UMODL1: variants seen among roughly 807,000 people sequenced by gnomAD.
UMODL1 encodes the protein uromodulin like 1.
UMODL1 carries 128 observed loss-of-function variants against 136.3 expected under a neutral mutation model. The ratio of observed to expected loss-of-function variants is 0.94; its 90% CI spans 0.81 to 1.09. The LOEUF (loss-of-function observed/expected upper bound fraction) is 1.09. Ranked by LOEUF, UMODL1 falls within the 50% of genes least tolerant of loss-of-function variation. The pLI is 0.00. For missense variants in UMODL1, 1,766 were observed against 1,725.6 expected, an observed-to-expected ratio of 1.02 and a Z score of -0.41; for synonymous variants, 721 against 720.0, an observed-to-expected ratio of 1.00 and a Z score of -0.02.
chr21:42,091,221 T>A (rs2146452486), intron 6 of UMODL1, among the ~76,000 whole-genome samples: 1 of 152,358 alleles, frequency 6.6e-6, no homozygotes, highest in African/African-American at 2.4e-5. Context: ...TCTGCCTGTC[T>A]AGTGGATTGT....
chr21:42,133,751 C>T (rs1368549059), intron 21 of UMODL1, among the ~76,000 whole-genome samples: 1 of 152,208 alleles, frequency 6.6e-6, no homozygotes, highest in Non-Finnish European at 1.5e-5. Context: ...CTGCACATGG[C>T]CTTCTTTTTA....
intron 9 of UMODL1, chr21:42,108,353 G>A (rs1164022470): frequency 1.9e-6 from 1 of 525,692 alleles, no homozygotes; most frequent in Non-Finnish European, 3.9e-6. Flanking sequence ...CACCAGCAGT[G>A]TTCTGATGGC....
At chr21:42,110,679 G>A (rs886182155) in intron 10 of UMODL1, among the ~76,000 whole-genome samples, 2 of 152,200 alleles carry the variant, frequency 1.3e-5, no homozygotes, top group African/African-American at 4.8e-5. Context: ...GGAGAGGCGT[G>A]ATTTGCCTTC....
chr21:42,118,736 C>T (rs1222214136), intron 14 of UMODL1, among the ~76,000 whole-genome samples: 6 of 152,138 alleles, frequency 3.9e-5, no homozygotes, highest in Non-Finnish European at 8.8e-5. Flanking sequence ...AGCCCCCTGC[C>T]CTCGGTGGCT....
intron 1 of UMODL1, among the ~76,000 whole-genome samples, chr21:42,075,690 T>C (rs2066282064): frequency 6.6e-6 from 1 of 152,240 alleles, no homozygotes; most frequent in South Asian, 2.1e-4. Context: ...CCTTCGTATA[T>C]GGACCGTGAG....
intron 4 of UMODL1, among the ~76,000 whole-genome samples, chr21:42,087,884 C>G (rs1485352880): frequency 6.6e-6 from 1 of 152,264 alleles, no homozygotes; most frequent in African/African-American, 2.4e-5. Context: ...TTCTCTGTCT[C>G]TTCACACTGT....
rs1039951623 is a variant in UMODL1 at position 42,109,823 on chromosome 21, A to C, written c.1657+124A>C. On this transcript the variant is annotated intron_variant, in intron 10 of 22. Transcript: ENST00000408910. ...CTATGGTAATGTTAGGGGCCTACAG[A>C]AATGTTTTCATTTCAATTTATTTTA... The C allele has an allele frequency of 5.8e-6, 6 of 1,030,786 alleles. No homozygotes were observed. In the South Asian group the frequency reaches 1.0e-4, roughly 18 times the overall value. 63.9% of individuals were successfully genotyped at this position (1,030,786 alleles called of 1,614,324 possible). A position where few individuals can be genotyped will look rare whatever the true frequency, so the allele number is the denominator to read the frequency against.
chr21:42,069,229 AACACACAC>A (rs61712292), upstream of UMODL1, among the ~76,000 whole-genome samples: 84 of 136,402 alleles, frequency 6.2e-4, no homozygotes, highest in African/African-American at 2.1e-3. Flanking sequence ...CACAGACAGA[AACACACAC>A]ACACACACAC....
rs138622543 is a variant in UMODL1 at position 42,119,135 on chromosome 21, A to G, written c.2500A>G (p.Met834Val). The stretch of plus-strand genomic sequence containing the variant: ...GGTGCGGGGCTCCCTGCCAGCCACC[A>G]TGTGTCAGCACATGGACGCTGGTGG... The part of the protein sequence containing the change: ...RMVRGSLPAT[M>V]CQHMDAGGVR... Residue 834 changes from methionine to valine, a missense_variant, in exon 15 of 23, where the codon ATG becomes GTG. Transcript: ENST00000408910. 2.9e-4 allele frequency: 467 copies of G among 1,613,404 alleles called. 3 individuals are homozygous for G. In the African/African-American group the frequency reaches 5.5e-3, roughly 19 times the overall value.
At chr21:42,136,587 A>G (rs1025566008) in intron 21 of UMODL1, among the ~76,000 whole-genome samples, 4 of 152,094 alleles carry the variant, frequency 2.6e-5, no homozygotes, top group Admixed American at 2.6e-4. Flanking sequence ...GTGGGGCCAC[A>G]ATGTATGGAT....
Position 42,076,115 on chromosome 21 carries a change from G to T in UMODL1, c.187G>T (p.Gly63Cys), listed in dbSNP as rs371387739. Residue 63 changes from glycine (G) to cysteine (C), a missense_variant, in exon 2 of 23, where the codon GGC (glycine) becomes TGC (cysteine). Coordinates refer to ENST00000408910, the MANE Select transcript of UMODL1 (RefSeq NM_001004416.3). ...TSYTSYVSCG[G>C]WIPWRRCPKM... ...CTACACGTCCTATGTGTCCTGCGGC[G>T]GCTGGATCCCCTGGAGGCGGTGCCC... 6.2e-7 allele frequency: 1 copy of T among 1,614,232 alleles called. No individual in the cohort carries two copies. Among genetic ancestry groups the T allele is most frequent in the South Asian group, 1.1e-5 (1 of 91,086 alleles).
intron 14 of UMODL1, among the ~76,000 whole-genome samples, chr21:42,117,302 G>GC (rs1250347013): frequency 6.6e-6 from 1 of 152,206 alleles, no homozygotes; most frequent in African/African-American, 2.4e-5. Flanking sequence ...TATGGCTGGG[G>GC]CATAACCCAT....
intron 6 of UMODL1, among the ~76,000 whole-genome samples, chr21:42,097,041 C>A (rs1020570671): frequency 5.9e-5 from 9 of 152,190 alleles, no homozygotes; most frequent in African/African-American, 2.2e-4. Context: ...CACCCACAAT[C>A]TCAGGTCCCA....
intron 15 of UMODL1, among the ~76,000 whole-genome samples, chr21:42,119,944 T>C (rs1052607358): frequency 2.0e-5 from 3 of 152,130 alleles, no homozygotes; most frequent in Admixed American, 1.3e-4. Context: ...TAACGCAAAG[T>C]AAACAAAAAA....
Position 42,108,865 on chromosome 21 carries a change from G to C in UMODL1, c.1520-697G>C, listed in dbSNP as rs1305585859. 4.9e-5 allele frequency among the ~76,000 whole-genome samples: 7 copies of C among 142,686 alleles called. 1 individual carries two copies. In the South Asian group the frequency reaches 1.1e-3, roughly 23 times the overall value. The allele number at this position is 142,686 out of a possible 152,430, so 93.6% of individuals were successfully genotyped here. A position where few individuals can be genotyped will look rare whatever the true frequency, so the allele number is the denominator to read the frequency against. ...GGGAAGTTCATGTTGTACTCCGCTGGACCCCACCCCCGGCGTGGGAAGTTC... is the reference window on the plus strand; with the variant it reads ...GGGAAGTTCATGTTGTACTCCGCTGCACCCCACCCCCGGCGTGGGAAGTTC... On this transcript the variant is annotated intron_variant, in intron 9 of 22. Transcript: ENST00000408910.
intron 21 of UMODL1, 151 bp from the exon 22 acceptor site, chr21:42,137,288 C>A: frequency 1.0e-6 from 1 of 980,144 alleles, no homozygotes; most frequent in Non-Finnish European, 1.5e-6. Context: ...CCTTCCTCAG[C>A]TTTGGTAACC....
chr21:42,141,322 C>A (rs1242383748), intron 22 of UMODL1, among the ~76,000 whole-genome samples: 2 of 152,182 alleles, frequency 1.3e-5, no homozygotes, highest in Admixed American at 6.5e-5. Context: ...CTTTGTCTTT[C>A]CCGTCTCTCC....
intron 15 of UMODL1, among the ~76,000 whole-genome samples, chr21:42,120,010 AATAG>A (rs1465135979): frequency 1.3e-5 from 2 of 152,224 alleles, no homozygotes; most frequent in African/African-American, 4.8e-5. Flanking sequence ...AGATCATACA[AATAG>A]ATAAATATTA....
chr21:42,082,533 A>G (rs1172867838), intron 2 of UMODL1, among the ~76,000 whole-genome samples: 1 of 152,022 alleles, frequency 6.6e-6, no homozygotes, highest in African/African-American at 2.4e-5. Flanking sequence ...GGGGCATGGC[A>G]CCCACCGTCA....
Sources: gnomAD v4.1 joint callset for allele counts (sites outside exome capture counted in the v4.1 genomes callset) on GRCh38, gnomAD v4.1.1 for gene constraint, MANE v1.5 for transcripts, NCBI Gene and HGNC (gene_info 2026-07-23, HGNC 2026-07-21) for gene names.